ATP13A4: variants seen among roughly 807,000 people sequenced by gnomAD.
The protein encoded by ATP13A4 is ATPase 13A4.
ATP13A4 carries 114 observed loss-of-function variants against 142.5 expected under a neutral mutation model. That is an observed-to-expected ratio of 0.80 (90% CI 0.69 to 0.93). ATP13A4 has a LOEUF of 0.93. Ranked by LOEUF, ATP13A4 falls within the 40% of genes least tolerant of loss-of-function variation. The pLI, the probability that ATP13A4 is intolerant of heterozygous loss-of-function variation, is 0.00. For missense variants in ATP13A4, 1,392 were observed against 1,454.0 expected (o/e 0.96, Z 0.69); for synonymous variants, 488 against 514.8 (o/e 0.95, Z 0.70).
chr3:193,513,862 A>G (rs773851092), intron 2 of ATP13A4, among the ~76,000 whole-genome samples: 1 of 152,176 alleles, frequency 6.6e-6, no homozygotes, highest in African/African-American at 2.4e-5. Flanking sequence ...TCTTTTCCTC[A>G]GGAGTCACTC....
At chr3:193,405,601 C>T (rs1358254221) in intron 29 of ATP13A4, among the ~76,000 whole-genome samples, 3 of 152,074 alleles carry the variant, frequency 2.0e-5, no homozygotes, top group Admixed American at 6.6e-5. Context: ...AAGACCACAT[C>T]GAAGGAGAGT....
chr3:193,432,967 C>T (rs569195585), intron 25 of ATP13A4, among the ~76,000 whole-genome samples: 1 of 152,162 alleles, frequency 6.6e-6, no homozygotes, highest in African/African-American at 2.4e-5. Context: ...AAACGATGGA[C>T]TTTGGATAAT....
intron 7 of ATP13A4, among the ~76,000 whole-genome samples, chr3:193,487,389 C>T (rs1384032851): frequency 1.3e-5 from 2 of 152,084 alleles, no homozygotes; most frequent in Non-Finnish European, 2.9e-5. Context: ...TAATGGAAAA[C>T]GTGATTAGAG....
chr3:193,545,445 T>C (rs1298240851), intron 1 of ATP13A4, among the ~76,000 whole-genome samples: 1 of 152,194 alleles, frequency 6.6e-6, no homozygotes, highest in Non-Finnish European at 1.5e-5. Context: ...GTACTCATTG[T>C]CCACAAGAAT....
At chr3:193,405,928 G>A (rs1470515893) in intron 29 of ATP13A4, among the ~76,000 whole-genome samples, 1 of 151,966 alleles carries the variant, frequency 6.6e-6, no homozygotes, top group Non-Finnish European at 1.5e-5. Context: ...CCCTCTAAAG[G>A]GCAAAGACCA....
Position 193,434,739 on chromosome 3 carries a change from G to A in ATP13A4, c.2770-822C>T, listed in dbSNP as rs547635568. Among the ~76,000 whole-genome samples the A allele has an allele frequency of 7.9e-5, 12 of 152,170 alleles. No individual in the cohort carries two copies. In the South Asian group the frequency reaches 1.5e-3, roughly 18 times the overall value. On this transcript the variant is annotated intron_variant, in intron 24 of 29. Transcript: ENST00000342695. ...TTCTTTCCTTGGTGTTGGTTAATAC[G>A]GTAATCTCACATGTTGAGTTCACAG... is the stretch of plus-strand genomic sequence containing the variant.
chr3:193,538,972 C>T (rs1722739780), intron 1 of ATP13A4, among the ~76,000 whole-genome samples: 1 of 144,036 alleles, frequency 6.9e-6, no homozygotes, highest in Admixed American at 7.2e-5. Context: ...CTCCCAGGTT[C>T]AAGCGATTCT....
Position 193,401,345 on chromosome 3 carries a change from AC to A in ATP13A4, c.*1306del, listed in dbSNP as rs1714254020. On this transcript the variant is annotated 3_prime_UTR_variant, in exon 30 of 30. Transcript: ENST00000342695. ...CAAATATAACCAAATTGTAATAGTG[AC>A]AAAATAAGGACAATTTTAGTTTTCT... Among the ~76,000 whole-genome samples, 1 of 152,220 alleles carries A rather than the reference AC, an allele frequency of 6.6e-6. No homozygotes were observed. Among genetic ancestry groups the A allele is most frequent in the Admixed American group, 6.5e-5 (1 of 15,274 alleles).
intron 2 of ATP13A4, among the ~76,000 whole-genome samples, chr3:193,564,719 T>A (rs766281313): frequency 1.3e-5 from 2 of 152,200 alleles, no homozygotes; most frequent in Non-Finnish European, 2.9e-5. Flanking sequence ...TTACTATCAG[T>A]GTGATCTAGA....
chr3:193,444,481 T>C (rs1294861806), intron 18 of ATP13A4, among the ~76,000 whole-genome samples: 1 of 152,214 alleles, frequency 6.6e-6, no homozygotes, highest in Non-Finnish European at 1.5e-5. Flanking sequence ...TGATACCAGA[T>C]GTTAACTTGT....
Position 193,414,595 on chromosome 3 carries a change from A to T in ATP13A4, c.2998T>A (p.Ser1000Thr), listed in dbSNP as rs765224101. The T allele has an allele frequency of 5.0e-6, 8 of 1,614,020 alleles. No homozygotes were observed. The highest frequency in any genetic ancestry group is 6.8e-6 in the Non-Finnish European group (8 of 1,179,958). ...TACTCATACCTGTGTATCTCCACGG[A>T]ATACCAAGGCTGCCTCTGAACCAGG... ...FILVQRQPWY[S>T]VEIHSACTVQ... Residue 1000 changes from serine to threonine, a missense_variant, in exon 26 of 30, where the codon TCC becomes ACC. Ser to Thr is a moderately conservative substitution (Grantham distance 58). Coordinates refer to ENST00000342695, the MANE Select transcript of ATP13A4 (RefSeq NM_032279.4).
In ATP13A4 at chr3:193,452,567, A is replaced by ATTT. The variant is rs751029977; in HGVS notation, c.2027+1531_2027+1533dup. Among the ~76,000 whole-genome samples the ATTT allele has an allele frequency of 7.3e-3, 877 of 120,760 alleles. 23 individuals carry two copies. The highest frequency in any genetic ancestry group is 0.026 in the African/African-American group (817 of 31,034). The allele number at this position is 120,760 out of a possible 152,430, so 79.2% of individuals were successfully genotyped here. A position where few individuals can be genotyped will look rare whatever the true frequency, so the allele number is the denominator to read the frequency against. ...TCCTCCCTCTAGAGGACATTGTGGA[A>ATTT]TTTTTTTTTTTTTTTTTTTTTTGCA... On this transcript the variant is annotated intron_variant, in intron 17 of 29. Coordinates refer to ENST00000342695, the MANE Select transcript of ATP13A4 (RefSeq NM_032279.4).
intron 1 of ATP13A4, among the ~76,000 whole-genome samples, chr3:193,534,262 T>C (rs1048856190): frequency 1.3e-5 from 2 of 152,146 alleles, no homozygotes; most frequent in African/African-American, 4.8e-5. Context: ...AAGCTAACGA[T>C]GACATTAAGT....
intron 17 of ATP13A4, among the ~76,000 whole-genome samples, chr3:193,449,377 G>T (rs1242443970): frequency 6.6e-6 from 1 of 152,184 alleles, no homozygotes; most frequent in Non-Finnish European, 1.5e-5. Context: ...CACCCACTCA[G>T]ACTCCTTGCC....
chr3:193,552,265 C>T (rs550622081), intron 1 of ATP13A4, among the ~76,000 whole-genome samples: 111 of 152,318 alleles, frequency 7.3e-4, no homozygotes, highest in African/African-American at 2.4e-3. Context: ...AGCCACCATG[C>T]CCAGCCTGTT....
chr3:193,401,828 TC>T lies in ATP13A4; in HGVS notation c.*823del, dbSNP rs963469211. On this transcript the variant is annotated 3_prime_UTR_variant, in exon 30 of 30. Transcript: ENST00000342695. ...TCCCTAAACACAGGAGACTGCACTT[TC>T]CAGCTCCCTGGCCAAATCCTTGACT... 9.2e-5 allele frequency among the ~76,000 whole-genome samples: 14 copies of T among 152,240 alleles called. No individual in the cohort carries two copies. Among genetic ancestry groups the T allele is most frequent in the South Asian group, 4.1e-4 (2 of 4,834 alleles).
intron 25 of ATP13A4, among the ~76,000 whole-genome samples, chr3:193,418,775 A>G (rs1390661642): frequency 2.0e-5 from 3 of 149,876 alleles, no homozygotes; most frequent in Admixed American, 1.4e-4. Context: ...TGTGGCCTAC[A>G]AGGCTACTGC....
intron 1 of ATP13A4, among the ~76,000 whole-genome samples, chr3:193,583,445 A>AAAAT (rs1250041356): frequency 8.9e-4 from 136 of 152,062 alleles, no homozygotes; most frequent in African/African-American, 3.0e-3. Context: ...AAAATAAAAT[A>AAAAT]AAATAAATAA....
At chr3:193,403,991 C>T in intron 29 of ATP13A4, 1 of 985,420 alleles carries the variant, frequency 1.0e-6, no homozygotes, top group African/African-American at 1.7e-5. Context: ...GGATAGAGAA[C>T]AGCCAGTCTG....
Sources: allele counts gnomAD v4.1 joint callset (sites outside exome capture counted in the v4.1 genomes callset), GRCh38; gene constraint gnomAD v4.1.1; transcripts MANE v1.5; gene names NCBI Gene and HGNC (gene_info 2026-07-23, HGNC 2026-07-21).